Variants in CHCHD6 observed in about 807,000 individuals in gnomAD.
The protein encoded by CHCHD6 is coiled-coil-helix-coiled-coil-helix domain containing 6, also known as MICOS complex subunit MIC25.
In CHCHD6, 28 loss-of-function variants were observed where a neutral mutation model predicts 32.3. That is an observed-to-expected ratio of 0.87 (90% CI 0.64 to 1.19). The LOEUF (loss-of-function observed/expected upper bound fraction) is 1.19. Among genes scored for constraint, CHCHD6 ranks in the 50% most tolerant of loss-of-function variants. CHCHD6 has a pLI of 0.00. For missense variants in CHCHD6, 333 were observed against 307.0 expected (o/e 1.08, Z -0.63); for synonymous variants, 122 against 117.5 (o/e 1.04, Z -0.25).
chr3:126,747,111 G>A (rs562630048), intron 4 of CHCHD6, among the ~76,000 whole-genome samples: 1 of 152,312 alleles, frequency 6.6e-6, no homozygotes, highest in African/African-American at 2.4e-5. Context: ...TTCCGAGACA[G>A]CCTAAGCTTT....
At chr3:126,843,482 G>A (rs1335820117) in intron 4 of CHCHD6, among the ~76,000 whole-genome samples, 1 of 152,118 alleles carries the variant, frequency 6.6e-6, no homozygotes, top group African/African-American at 2.4e-5. Flanking sequence ...GAAGCCATCT[G>A]GACTGGGAAA....
intron 1 of CHCHD6, among the ~76,000 whole-genome samples, chr3:126,715,861 C>G (rs559975729): frequency 1.3e-5 from 2 of 152,188 alleles, no homozygotes; most frequent in African/African-American, 4.8e-5. Context: ...TGCACTCTTT[C>G]CTTTCTGCAA....
At chr3:126,896,543 C>G (rs1159060091) in intron 5 of CHCHD6, among the ~76,000 whole-genome samples, 1 of 152,172 alleles carries the variant, frequency 6.6e-6, no homozygotes, top group African/African-American at 2.4e-5. Context: ...GGACCTCAAT[C>G]CACCCTAATG....
chr3:126,846,647 C>T (rs992878862), intron 4 of CHCHD6, among the ~76,000 whole-genome samples: 2 of 152,180 alleles, frequency 1.3e-5, no homozygotes, highest in Admixed American at 1.3e-4. Context: ...ATAGTTTTAT[C>T]ACTCTGTGGA....
intron 4 of CHCHD6, among the ~76,000 whole-genome samples, chr3:126,822,917 T>C (rs1940213619): frequency 6.6e-6 from 1 of 152,142 alleles, no homozygotes; most frequent in Non-Finnish European, 1.5e-5. Flanking sequence ...TCATCCCTTT[T>C]TTTTTTGAGG....
chr3:126,926,075 C>A (rs1245091371), intron 6 of CHCHD6, among the ~76,000 whole-genome samples: 1 of 152,216 alleles, frequency 6.6e-6, no homozygotes, highest in Non-Finnish European at 1.5e-5. Flanking sequence ...CTGCTTAGGA[C>A]TCTCGTTCCT....
chr3:126,776,343 G>T (rs1937647607), intron 4 of CHCHD6, among the ~76,000 whole-genome samples: 1 of 152,112 alleles, frequency 6.6e-6, no homozygotes, highest in African/African-American at 2.4e-5. Context: ...GGGGAGACAG[G>T]GTGTTTCAAG....
intron 6 of CHCHD6, among the ~76,000 whole-genome samples, chr3:126,936,937 G>A (rs2078488565): frequency 6.6e-6 from 1 of 152,112 alleles, no homozygotes; most frequent in Non-Finnish European, 1.5e-5. Flanking sequence ...CAGAACTATT[G>A]GTCCCTTCCC....
At chr3:126,789,348 C>A (rs1162978547) in intron 4 of CHCHD6, among the ~76,000 whole-genome samples, 1 of 152,128 alleles carries the variant, frequency 6.6e-6, no homozygotes, top group East Asian at 1.9e-4. Flanking sequence ...CCACTTGGTG[C>A]AGAGCTGAGT....
At chr3:126,815,997 G>A (rs1939879932) in intron 4 of CHCHD6, among the ~76,000 whole-genome samples, 1 of 152,046 alleles carries the variant, frequency 6.6e-6, no homozygotes, top group South Asian at 2.1e-4. Context: ...CTCTGCCCCA[G>A]GAAAGGTGTC....
intron 1 of CHCHD6, among the ~76,000 whole-genome samples, chr3:126,711,359 G>T (rs1370459087): frequency 6.6e-6 from 1 of 152,182 alleles, no homozygotes; most frequent in Non-Finnish European, 1.5e-5. Context: ...CCGCCATGTG[G>T]TTGCCTAGTG....
chr3:126,881,358 T>C lies in CHCHD6; in HGVS notation c.495+28628T>C, dbSNP rs530141490. ...GGGGTCCTGGTGTCTCCCCCAGTGCTGAGTGGTTTCCTTTGTTTGCCTTTC... is the reference window on the plus strand; with the variant it reads ...GGGGTCCTGGTGTCTCCCCCAGTGCCGAGTGGTTTCCTTTGTTTGCCTTTC... On this transcript the variant is annotated intron_variant, in intron 5 of 7. Coordinates refer to ENST00000290913, the MANE Select transcript of CHCHD6 (RefSeq NM_032343.3). Among the ~76,000 whole-genome samples, 3 of 152,358 alleles carry C rather than the reference T, an allele frequency of 2.0e-5. No individual in the cohort carries two copies. The South Asian group carries it at 6.2e-4, about 32-fold the overall frequency.
At chr3:126,765,244 A>G (rs576517782) in intron 4 of CHCHD6, among the ~76,000 whole-genome samples, 2 of 152,300 alleles carry the variant, frequency 1.3e-5, no homozygotes, top group Admixed American at 6.5e-5. Flanking sequence ...TTAAATATCT[A>G]TTTTAAAGCA....
At chr3:126,790,851 T>G (rs1938497439) in intron 4 of CHCHD6, among the ~76,000 whole-genome samples, 1 of 152,248 alleles carries the variant, frequency 6.6e-6, no homozygotes, top group Non-Finnish European at 1.5e-5. Context: ...TCCAGCTTTG[T>G]TCCGTTGCTG....
rs535820066 is a variant in CHCHD6, at chr3:126,909,610, A to C, written c.496-5070A>C. ...TTATTTAATTTTTAATGGCAGATTT[A>C]ATTAATGGAGGTCAGGCCTCCTGCT... On this transcript the variant is annotated intron_variant, in intron 5 of 7. Coordinates refer to ENST00000290913, the MANE Select transcript of CHCHD6 (RefSeq NM_032343.3). Among the ~76,000 whole-genome samples, 12 of 152,342 alleles carry C rather than the reference A, an allele frequency of 7.9e-5. No homozygotes were observed. The South Asian group carries it at 2.3e-3, about 29-fold the overall frequency.
At chr3:126,817,940 G>T (rs1939979588) in intron 4 of CHCHD6, among the ~76,000 whole-genome samples, 1 of 152,182 alleles carries the variant, frequency 6.6e-6, no homozygotes, top group Non-Finnish European at 1.5e-5. Flanking sequence ...AGGACAGTCT[G>T]AAAAGCCTAG....
At chr3:126,919,360 C>T (rs1196808005) in intron 6 of CHCHD6, among the ~76,000 whole-genome samples, 1 of 142,784 alleles carries the variant, frequency 7.0e-6, no homozygotes, top group Non-Finnish European at 1.5e-5. Context: ...GTCACCCAGG[C>T]TGCAGTACAG....
intron 6 of CHCHD6, among the ~76,000 whole-genome samples, chr3:126,951,737 A>C (rs73193166): frequency 0.013 from 2,041 of 152,320 alleles, 19 homozygotes; most frequent in African/African-American, 0.024. Context: ...ACACAGACCA[A>C]CTTCTCAGGG....
At chr3:126,837,267 CT>C (rs1256276629) in intron 4 of CHCHD6, among the ~76,000 whole-genome samples, 1 of 152,130 alleles carries the variant, frequency 6.6e-6, no homozygotes, top group African/African-American at 2.4e-5. Flanking sequence ...TTTTTCTTGC[CT>C]TTAAAGTGGG....
Sources: allele counts gnomAD v4.1 joint callset (sites outside exome capture counted in the v4.1 genomes callset), GRCh38; gene constraint gnomAD v4.1.1; transcripts MANE v1.5; gene names NCBI Gene and HGNC (gene_info 2026-07-23, HGNC 2026-07-21).